The following TENM4 variants were observed in gnomAD, a reference collection of about 807,000 sequenced individuals.
TENM4 encodes the protein teneurin transmembrane protein 4.
A neutral mutation model predicts 243.3 loss-of-function variants in TENM4; 82 were observed. The ratio of observed to expected loss-of-function variants is 0.34; its 90% CI spans 0.28 to 0.40. TENM4 has a LOEUF of 0.40. TENM4 is among the 10% of genes least tolerant of loss of function. TENM4 has a pLI of 1.00. For synonymous variants in TENM4, 1,412 were observed against 1,456.3 expected, an observed-to-expected ratio of 0.97 and a Z score of 0.69; for missense variants, 3,138 against 3,673.3, an observed-to-expected ratio of 0.85 and a Z score of 3.77.
At chr11:78,928,133 G>T (rs1217513846) in intron 6 of TENM4, among the ~76,000 whole-genome samples, 1 of 152,086 alleles carries the variant, frequency 6.6e-6, no homozygotes, top group Non-Finnish European at 1.5e-5. Context: ...ACCCCAGCAA[G>T]ACCCCACCTT....
chr11:78,729,875 G>A (rs1855610775), intron 21 of TENM4, among the ~76,000 whole-genome samples: 1 of 152,042 alleles, frequency 6.6e-6, no homozygotes, highest in Non-Finnish European at 1.5e-5. Flanking sequence ...GAAAGATTGG[G>A]GAGGAGTAAA....
At position 78,805,668 on chromosome 11, in the gene TENM4, A is replaced by G. The variant is rs544536380; in HGVS notation, c.1979-176T>C. ...CGGCAAATGGCAGACCTGGCTTCCCAACTCCACCCAGGTAGAAATCCCTAC... is the reference window on the plus strand; with the variant it reads ...CGGCAAATGGCAGACCTGGCTTCCCGACTCCACCCAGGTAGAAATCCCTAC... On this transcript the variant is annotated intron_variant, in intron 14 of 33. Transcript: ENST00000278550. 9.8e-5 allele frequency among the ~76,000 whole-genome samples: 15 copies of G among 152,312 alleles called. No homozygotes were observed. In the East Asian group the frequency reaches 2.9e-3, roughly 29 times the overall value.
chr11:79,059,061 T>C (rs968006439), intron 6 of TENM4, among the ~76,000 whole-genome samples: 5 of 152,220 alleles, frequency 3.3e-5, no homozygotes, highest in Admixed American at 3.3e-4. Flanking sequence ...GCTTTGGAGA[T>C]GCTCACCTAA....
At chr11:79,083,226 G>C (rs575723797) in intron 4 of TENM4, among the ~76,000 whole-genome samples, 1 of 152,214 alleles carries the variant, frequency 6.6e-6, no homozygotes, top group Non-Finnish European at 1.5e-5. Context: ...GATGGGGACA[G>C]GGATCCAGGA....
At chr11:79,270,347 C>T (rs2135343965) in intron 2 of TENM4, among the ~76,000 whole-genome samples, 1 of 152,326 alleles carries the variant, frequency 6.6e-6, no homozygotes, top group South Asian at 2.1e-4. Flanking sequence ...GTGACTTTGC[C>T]TCTAGTCCCA....
At chr11:78,692,031 C>A (rs1021350335) in intron 28 of TENM4, among the ~76,000 whole-genome samples, 2 of 152,134 alleles carry the variant, frequency 1.3e-5, no homozygotes, top group African/African-American at 4.8e-5. Flanking sequence ...TTCTTCTCCA[C>A]CACAGAGCTG....
chr11:79,275,281 G>T (rs1249542572), intron 2 of TENM4, among the ~76,000 whole-genome samples: 1 of 152,222 alleles, frequency 6.6e-6, no homozygotes, highest in East Asian at 1.9e-4. Flanking sequence ...GTTTGTGTGT[G>T]TTTAATCCTT....
At chr11:79,314,767 C>G (rs1856777711) in intron 1 of TENM4, among the ~76,000 whole-genome samples, 1 of 152,166 alleles carries the variant, frequency 6.6e-6, no homozygotes, top group Admixed American at 6.5e-5. Flanking sequence ...TCATGGAGCT[C>G]ACAGGGTAAT....
At position 79,413,673 on chromosome 11, in the gene TENM4, T is replaced by G. The variant is rs527837548; in HGVS notation, c.-321+26836A>C. On this transcript the variant is annotated intron_variant, in intron 1 of 33. Coordinates refer to ENST00000278550, the MANE Select transcript of TENM4 (RefSeq NM_001098816.3). ...GCATAAATCTTGTTTGTATCCTAGTTTAGGAGAAAAAAAAAGCCATAAAAA... is the reference window on the plus strand; with the variant it reads ...GCATAAATCTTGTTTGTATCCTAGTGTAGGAGAAAAAAAAAGCCATAAAAA... Among the ~76,000 whole-genome samples the G allele has an allele frequency of 7.2e-5, 11 of 152,166 alleles. 2 individuals are homozygous for G. Among genetic ancestry groups the G allele is most frequent in the African/African-American group, 2.6e-4 (11 of 41,512 alleles).
intron 4 of TENM4, among the ~76,000 whole-genome samples, chr11:79,105,248 T>A (rs1267093429): frequency 6.6e-6 from 1 of 152,212 alleles, no homozygotes; most frequent in East Asian, 1.9e-4. Context: ...CTGTTATTGC[T>A]TCCTTGCAAT....
chr11:79,332,999 AG>A (rs1264791304), intron 1 of TENM4, among the ~76,000 whole-genome samples: 1 of 152,182 alleles, frequency 6.6e-6, no homozygotes, highest in Non-Finnish European at 1.5e-5. Context: ...TGAATATAGC[AG>A]GGGAACAAGG....
At chr11:78,707,017 T>C (rs1324136044) in intron 27 of TENM4, among the ~76,000 whole-genome samples, 1 of 152,014 alleles carries the variant, frequency 6.6e-6, no homozygotes, top group Non-Finnish European at 1.5e-5. Context: ...GTGACATGAG[T>C]GCTGGGACCT....
At chr11:78,898,341 A>G (rs1277926121) in intron 7 of TENM4, among the ~76,000 whole-genome samples, 1 of 152,142 alleles carries the variant, frequency 6.6e-6, no homozygotes, top group Non-Finnish European at 1.5e-5. Flanking sequence ...TGGTCATTCT[A>G]CCAGCTGTTA....
At chr11:79,030,548 T>C (rs1246652913) in intron 6 of TENM4, among the ~76,000 whole-genome samples, 1 of 152,090 alleles carries the variant, frequency 6.6e-6, no homozygotes, top group African/African-American at 2.4e-5. Flanking sequence ...CCCCACTGGA[T>C]ATCTGGCAGC....
chr11:79,106,157 A>G (rs1302546054), intron 4 of TENM4, among the ~76,000 whole-genome samples: 2 of 152,218 alleles, frequency 1.3e-5, no homozygotes, highest in Non-Finnish European at 2.9e-5. Context: ...AGAAAGTAAC[A>G]TTATTTGCTC....
chr11:78,897,279 C>G (rs1025794669), intron 7 of TENM4, among the ~76,000 whole-genome samples: 3 of 152,116 alleles, frequency 2.0e-5, no homozygotes, highest in Admixed American at 2.0e-4. Flanking sequence ...CTGGTTTGCC[C>G]CAGAGTCTAC....
intron 6 of TENM4, among the ~76,000 whole-genome samples, chr11:78,951,297 C>T (rs1377348975): frequency 6.6e-6 from 1 of 152,282 alleles, no homozygotes; most frequent in East Asian, 1.9e-4. Flanking sequence ...AGCACAGGAC[C>T]CCACACAGAG....
intron 6 of TENM4, among the ~76,000 whole-genome samples, chr11:78,943,830 C>T (rs1856955604): frequency 1.3e-5 from 2 of 152,138 alleles, no homozygotes; most frequent in South Asian, 2.1e-4. Context: ...ACTTAAAATG[C>T]TTCTATTTAT....
At chr11:78,825,984 G>A (rs1013977878) in intron 12 of TENM4, among the ~76,000 whole-genome samples, 3 of 151,986 alleles carry the variant, frequency 2.0e-5, no homozygotes, top group African/African-American at 7.3e-5. Context: ...AGTGGGGTGT[G>A]GGGAGCTGCT....
Sources: gnomAD v4.1 joint callset for allele counts (sites outside exome capture counted in the v4.1 genomes callset) on GRCh38, gnomAD v4.1.1 for gene constraint, MANE v1.5 for transcripts, NCBI Gene and HGNC (gene_info 2026-07-23, HGNC 2026-07-21) for gene names.